Variants in LETMD1 observed in about 807,000 individuals in gnomAD.
LETMD1 encodes LETM1 domain-containing protein 1.
A neutral mutation model predicts 43.9 loss-of-function variants in LETMD1; 30 were observed. The observed-to-expected ratio is 0.68, with a 90% CI of 0.51 to 0.93. LETMD1 has a LOEUF of 0.93. Among genes scored for constraint, LETMD1 ranks in the 40% least tolerant of loss-of-function variants. The pLI is 0.00. For synonymous variants in LETMD1, 176 were observed against 163.1 expected (o/e 1.08, Z -0.60); for missense variants, 413 against 447.7 (o/e 0.92, Z 0.70).
At chr12:51,064,132 G>A (rs1937857398), downstream of LETMD1, 3 of 1,614,054 alleles carry the variant, frequency 1.9e-6, no homozygotes, top group South Asian at 3.3e-5. Context: ...TAGACCAGGG[G>A]CCCACTGTTC....
rs201975591 is a variant in LETMD1 at position 51,048,369 on chromosome 12, A to C, written c.13A>C (p.Arg5=). The change falls in exon 1 of 9, where the codon AGG becomes CGG. Residue 5 remains arginine (R), a synonymous_variant. Transcript: ENST00000262055. MALS[R]VCWARSAVWG... ...TCTCGCTGTGAAGATGGCGCTCTCC[A>C]GGGTGTGCTGGGCTCGGTCGGCTGT... is the stretch of plus-strand genomic sequence containing the variant. 2.8e-5 allele frequency: 46 copies of C among 1,614,054 alleles called. No homozygotes were observed. In the East Asian group the frequency reaches 9.6e-4, roughly 34 times the overall value.
At position 51,048,479 on chromosome 12, in the gene LETMD1, G is replaced by C; in HGVS notation, c.122+1G>C. 1 of 1,613,228 alleles carries C rather than the reference G, an allele frequency of 6.2e-7. No homozygotes were observed. The highest frequency in any genetic ancestry group is 1.3e-5 in the African/African-American group (1 of 75,038). On this transcript the variant is annotated splice_donor_variant, in intron 1 of 8. Transcript: ENST00000262055. LOFTEE classifies it high-confidence loss of function. ...CTGGCCTGGCTTGGGGGGCCCCTCG[G>C]TGAGGGACCTGTAGCGAGAAAAGCA...
chr12:51,053,874 TC>T lies in LETMD1; in HGVS notation c.473+16del. On this transcript the variant is annotated intron_variant, in intron 4 of 8. Transcript: ENST00000262055. ...CTTCTTGCTAATGTGAGTACAGACTTCCATCTCCCCAACATCTTGAAGATGT... is the reference window on the plus strand; with the variant it reads ...CTTCTTGCTAATGTGAGTACAGACTTCATCTCCCCAACATCTTGAAGATGT... The T allele has an allele frequency of 6.5e-7, 1 of 1,531,370 alleles. No homozygotes were observed. The highest frequency in any genetic ancestry group is 9.0e-7 in the Non-Finnish European group (1 of 1,111,864). 94.9% of individuals were successfully genotyped at this position (1,531,370 alleles called of 1,614,324 possible).
At chr12:51,067,925 C>A in the LETMD1 span, 1 of 1,614,192 alleles carries the variant, frequency 6.2e-7, no homozygotes, top group Non-Finnish European at 8.5e-7. The surrounding 1 kb of genome is among the most constrained non-coding windows in gnomAD (Gnocchi z 4.1). Flanking sequence ...CATCCAGCGT[C>A]AGGCCATCAG....
At chr12:51,067,981 C>T in the LETMD1 span, 1 of 1,610,772 alleles carries the variant, frequency 6.2e-7, no homozygotes, top group Non-Finnish European at 8.5e-7. This position sits in a 1 kb window ranked among gnomAD's most constrained non-coding sequence, Gnocchi z 4.1. Context: ...TGCCAAGAGA[C>T]AGGAAAGGTT....
intron 7 of LETMD1, 37 bp downstream of exon 7, chr12:51,056,539 G>C: frequency 6.2e-7 from 1 of 1,613,148 alleles, no homozygotes; most frequent in Non-Finnish European, 8.5e-7. Flanking sequence ...CTCAACCCTT[G>C]GTGTGCTTTT....
At chr12:51,064,635 C>A, downstream of LETMD1, 1 of 1,532,898 alleles carries the variant, frequency 6.5e-7, no homozygotes, top group Non-Finnish European at 8.8e-7. Context: ...ACAGCCATCC[C>A]GGGAGCAGCC....
At position 51,059,531 on chromosome 12, in the gene LETMD1, T is replaced by C; in HGVS notation, c.*100T>C. On this transcript the variant is annotated 3_prime_UTR_variant, in exon 9 of 9. Transcript: ENST00000262055. ...CAAAGTCTGTGTGTACTGTTAAGTG[T>C]GTGGGAGGCAGAGAGAGGAGCAGGG... 9.4e-7 allele frequency: 1 copy of C among 1,059,174 alleles called. No homozygotes were observed. The highest frequency in any genetic ancestry group is 2.0e-4 in the Middle Eastern group (1 of 4,918). 65.6% of individuals were successfully genotyped at this position (1,059,174 alleles called of 1,614,324 possible).
chr12:51,055,147 A>G (rs1158301278), intron 4 of LETMD1, among the ~76,000 whole-genome samples: 1 of 151,990 alleles, frequency 6.6e-6, no homozygotes, highest in Admixed American at 6.6e-5. Flanking sequence ...GGGTCCACAT[A>G]AGGACTGTGC....
intron 7 of LETMD1, chr12:51,057,627 CT>C (rs36057122): frequency 0.41 from 67,104 of 162,332 alleles, 13,970 homozygotes; most frequent in Non-Finnish European, 0.52. Context: ...GAGATTGTAA[CT>C]TTTTTTTTTT....
At chr12:51,063,447 T>C, downstream of LETMD1, 1 of 210,366 alleles carries the variant, frequency 4.8e-6, no homozygotes, top group Non-Finnish European at 9.5e-6. Context: ...CTGCTTGAGT[T>C]ACCCAGCTTT....
downstream of LETMD1, chr12:51,064,534 G>C (rs372251060): frequency 3.1e-6 from 5 of 1,613,270 alleles, no homozygotes; most frequent in South Asian, 3.3e-5. Context: ...CTCACCTGCC[G>C]CTTGCTCTCC....
chr12:51,059,144 C>T, intron 8 of LETMD1: 1 of 530,242 alleles, frequency 1.9e-6, no homozygotes, highest in South Asian at 2.1e-5. Flanking sequence ...ACTGCAATCA[C>T]ATGAGAAATA....
In LETMD1 at chr12:51,056,502, G is replaced by A. The variant is rs1167361560; in HGVS notation, c.915G>A (p.Ser305=). ...AGCTGACTGCTCAGGAAGTAAAATCGGTAAGAGCTTGATTGCAACATCAAC... is the reference window on the plus strand; with the variant it reads ...AGCTGACTGCTCAGGAAGTAAAATCAGTAAGAGCTTGATTGCAACATCAAC... ...IGQLTAQEVK[S]ACYLRGLNST... Residue 305 remains serine, a splice_region_variant and synonymous_variant, in exon 7 of 9, where the codon TCG becomes TCA. Transcript: ENST00000262055. The A allele has an allele frequency of 1.8e-5, 29 of 1,613,990 alleles. No homozygotes were observed. The highest frequency in any genetic ancestry group is 2.2e-5 in the Non-Finnish European group (26 of 1,180,040).
chr12:51,062,134 A>C (rs527477907), downstream of LETMD1: 1 of 152,352 alleles, frequency 6.6e-6, no homozygotes, highest in South Asian at 2.1e-4. Flanking sequence ...TTTCAGGCTC[A>C]GAGTTTAGAG....
downstream of LETMD1, chr12:51,063,486 G>GTGGCCCAGAAAGCTT (rs1937779468): frequency 7.6e-6 from 2 of 262,924 alleles, no homozygotes; most frequent in Admixed American, 9.7e-5. Context: ...CTTTGTTCCA[G>GTGGCCCAGAAAGCTT]TGGCCCAGAA....
In LETMD1 at chr12:51,058,138, A is replaced by G. The variant is rs1948263656; in HGVS notation, c.1012+10A>G. 1 of 1,553,092 alleles carries G rather than the reference A, an allele frequency of 6.4e-7. No homozygotes were observed. Among genetic ancestry groups the G allele is most frequent in the Non-Finnish European group, 8.9e-7 (1 of 1,124,256 alleles). ...TCCTGCAGCCTGAAAGGTAAAACAC[A>G]TTTCTGTGGTTATACCACTAAAATC... On this transcript the variant is annotated intron_variant, in intron 8 of 8. Coordinates refer to ENST00000262055, the MANE Select transcript of LETMD1 (RefSeq NM_015416.5).
chr12:51,053,988 C>T (rs1482220612), intron 4 of LETMD1, 128 bp downstream of exon 4: 6 of 705,782 alleles, frequency 8.5e-6, no homozygotes, highest in Non-Finnish European at 1.2e-5. Context: ...CCAATCTTCT[C>T]ATTATTCCAA....
At chr12:51,061,672 A>G (rs917227109), downstream of LETMD1, 2 of 152,420 alleles carry the variant, frequency 1.3e-5, no homozygotes, top group Non-Finnish European at 1.5e-5. Context: ...TTTCAGAAAC[A>G]TATCTTGTGG....
Sources: allele counts gnomAD v4.1 joint callset (sites outside exome capture counted in the v4.1 genomes callset), GRCh38; gene constraint gnomAD v4.1.1; non-coding constraint Gnocchi (gnomAD v3.1); transcripts MANE v1.5; gene names NCBI Gene and HGNC (gene_info 2026-07-23, HGNC 2026-07-21).